The following BANK1 variants were observed in gnomAD, a reference collection of about 807,000 sequenced individuals.
BANK1 encodes B-cell scaffold protein with ankyrin repeats.
In BANK1, 95 loss-of-function variants were observed where a neutral mutation model predicts 94.5. The observed-to-expected ratio is 1.00, with a 90% CI of 0.85 to 1.19. BANK1 has a LOEUF of 1.19. BANK1 is among the 50% of genes most tolerant of loss of function. The probability of loss-of-function intolerance (pLI) is 0.00; values close to 1 mark genes in which losing one functional copy is unlikely to be tolerated. For synonymous variants in BANK1, 334 were observed against 308.4 expected, an observed-to-expected ratio of 1.08 and a Z score of -0.87; for missense variants, 987 against 932.2, an observed-to-expected ratio of 1.06 and a Z score of -0.77.
intron 7 of BANK1, among the ~76,000 whole-genome samples, chr4:101,926,833 G>C (rs1307064479): frequency 1.3e-5 from 2 of 151,718 alleles, no homozygotes; most frequent in Non-Finnish European, 2.9e-5. Flanking sequence ...TCCAATAAGA[G>C]AAAATGGCAC....
At chr4:101,911,083 T>A (rs1183503014) in intron 6 of BANK1, among the ~76,000 whole-genome samples, 1 of 152,226 alleles carries the variant, frequency 6.6e-6, no homozygotes, top group Admixed American at 6.5e-5. Flanking sequence ...AGGTACCATT[T>A]AAATCTCCAC....
intron 1 of BANK1, among the ~76,000 whole-genome samples, chr4:101,800,230 T>C (rs1725313580): frequency 6.6e-6 from 1 of 151,830 alleles, no homozygotes; most frequent in Non-Finnish European, 1.5e-5. Context: ...TGTATACATA[T>C]GTAACAAACC....
chr4:101,982,677 T>C (rs536538640), intron 7 of BANK1, among the ~76,000 whole-genome samples: 7 of 151,976 alleles, frequency 4.6e-5, no homozygotes, highest in Non-Finnish European at 8.8e-5. Flanking sequence ...TCATATATTT[T>C]ACTATATCTG....
At chr4:101,853,511 G>T (rs1205927736) in intron 2 of BANK1, among the ~76,000 whole-genome samples, 2 of 152,106 alleles carry the variant, frequency 1.3e-5, no homozygotes. Flanking sequence ...TAAAGAGAAG[G>T]CACATCAGGG....
intron 7 of BANK1, among the ~76,000 whole-genome samples, chr4:102,007,106 T>G (rs1726305238): frequency 1.7e-5 from 1 of 58,654 alleles, no homozygotes; most frequent in Non-Finnish European, 3.8e-5. Context: ...TATTTATATA[T>G]ATATAAATAT....
chr4:101,951,018 A>G (rs2631249), intron 7 of BANK1, among the ~76,000 whole-genome samples: 55,404 of 151,938 alleles, frequency 0.36, 10,846 homozygotes, highest in Non-Finnish European at 0.43. Flanking sequence ...TGACAACCAA[A>G]TGTAATGTAG....
At chr4:101,980,277 C>T (rs185478795) in intron 7 of BANK1, among the ~76,000 whole-genome samples, 23 of 151,774 alleles carry the variant, frequency 1.5e-4, no homozygotes, top group Middle Eastern at 3.4e-3. Flanking sequence ...ACATTTAAAT[C>T]GTTTATCCAT....
At chr4:101,877,257 C>CCCTTGAGGTAGCCTTTA (rs1728524862) in intron 5 of BANK1, among the ~76,000 whole-genome samples, 1 of 152,058 alleles carries the variant, frequency 6.6e-6, no homozygotes, top group Non-Finnish European at 1.5e-5. Flanking sequence ...GCATTTAATT[C>CCCTTGAGGTAGCCTTTA]ACAAACTCCC....
chr4:101,912,365 G>A (rs1722690701), intron 6 of BANK1, among the ~76,000 whole-genome samples: 1 of 151,892 alleles, frequency 6.6e-6, no homozygotes, highest in Non-Finnish European at 1.5e-5. Context: ...TTCTGAAAAG[G>A]AAAGAGACTT....
At chr4:101,990,538 G>T (rs1172825288) in intron 7 of BANK1, among the ~76,000 whole-genome samples, 3 of 152,162 alleles carry the variant, frequency 2.0e-5, no homozygotes, top group African/African-American at 7.2e-5. Context: ...ATTGTCATTT[G>T]CAAACTGTTT....
intron 5 of BANK1, among the ~76,000 whole-genome samples, chr4:101,873,096 C>A (rs1242689964): frequency 6.9e-6 from 1 of 145,624 alleles, no homozygotes; most frequent in African/African-American, 2.6e-5. Context: ...GTAATTGTTT[C>A]TTTCATGGGC....
chr4:101,950,234 T>A (rs780185654), intron 7 of BANK1, among the ~76,000 whole-genome samples: 1 of 152,170 alleles, frequency 6.6e-6, no homozygotes, highest in Non-Finnish European at 1.5e-5. Context: ...TGTTTCTACT[T>A]TCTTGCAGTA....
chr4:101,971,129 C>T (rs749267892), intron 7 of BANK1, among the ~76,000 whole-genome samples: 10 of 152,096 alleles, frequency 6.6e-5, no homozygotes, highest in Non-Finnish European at 1.3e-4. Flanking sequence ...ACCTGATAAA[C>T]TTCGAGCTTT....
At chr4:101,955,855 G>A (rs554076413) in intron 7 of BANK1, among the ~76,000 whole-genome samples, 1 of 152,244 alleles carries the variant, frequency 6.6e-6, no homozygotes, top group South Asian at 2.1e-4. Context: ...CTGAGGCACA[G>A]CACTGTTTTT....
intron 13 of BANK1, among the ~76,000 whole-genome samples, chr4:102,067,328 CT>C (rs1358890560): frequency 1.3e-5 from 2 of 152,032 alleles, no homozygotes; most frequent in Admixed American, 1.3e-4. Context: ...TTAAAGGTGA[CT>C]GAATTAAATG....
intron 6 of BANK1, among the ~76,000 whole-genome samples, chr4:101,914,314 C>T (rs1722758230): frequency 6.6e-6 from 1 of 152,090 alleles, no homozygotes; most frequent in African/African-American, 2.4e-5. Context: ...TCCCCCAGCT[C>T]CACAGCTTTT....
intron 1 of BANK1, among the ~76,000 whole-genome samples, chr4:101,827,951 A>G (rs369927041): frequency 1.8e-4 from 27 of 152,032 alleles, no homozygotes; most frequent in South Asian, 4.1e-4. Flanking sequence ...TAAGATAAGT[A>G]TTTGTATACT....
intron 7 of BANK1, among the ~76,000 whole-genome samples, chr4:102,013,402 A>G (rs1454826575): frequency 6.6e-6 from 1 of 152,056 alleles, no homozygotes; most frequent in Non-Finnish European, 1.5e-5. Context: ...AGTTCTTGTT[A>G]TAATATCAAC....
intron 7 of BANK1, among the ~76,000 whole-genome samples, chr4:102,004,966 C>T (rs1277648469): frequency 6.6e-6 from 1 of 152,048 alleles, no homozygotes; most frequent in Non-Finnish European, 1.5e-5. Flanking sequence ...TGATCTCCTA[C>T]ATAGACATCA....
Sources: allele counts gnomAD v4.1 joint callset (sites outside exome capture counted in the v4.1 genomes callset), GRCh38; gene constraint gnomAD v4.1.1; transcripts MANE v1.5; gene names NCBI Gene and HGNC (gene_info 2026-07-23, HGNC 2026-07-21).